The following CDH13 variants were observed in gnomAD, a reference collection of about 807,000 sequenced individuals.
CDH13 encodes the protein cadherin 13.
In CDH13, 24 loss-of-function variants were observed where a neutral mutation model predicts 63.8. That is an observed-to-expected ratio of 0.38 (90% CI 0.27 to 0.53). CDH13 has a LOEUF of 0.53. CDH13 is among the 20% of genes least tolerant of loss of function. The probability of loss-of-function intolerance (pLI) is 0.85; values close to 1 mark genes in which losing one functional copy is unlikely to be tolerated. For synonymous variants in CDH13, 503 were observed against 355.3 expected, an observed-to-expected ratio of 1.42 and a Z score of -4.67; for missense variants, 1,049 against 903.1, an observed-to-expected ratio of 1.16 and a Z score of -2.07.
intron 1 of CDH13, among the ~76,000 whole-genome samples, chr16:82,745,179 A>G (rs541416239): frequency 6.6e-6 from 1 of 152,300 alleles, no homozygotes; most frequent in African/African-American, 2.4e-5. Flanking sequence ...TTACCCCCTC[A>G]GACTCAGGCT....
chr16:82,827,408 G>T (rs1009293592), intron 1 of CDH13, among the ~76,000 whole-genome samples: 5 of 152,176 alleles, frequency 3.3e-5, no homozygotes, highest in African/African-American at 1.2e-4. Flanking sequence ...AGTGAGGGAG[G>T]TGGAGCCAGA....
At chr16:82,784,796 C>A (rs1206802929) in intron 1 of CDH13, among the ~76,000 whole-genome samples, 1 of 152,114 alleles carries the variant, frequency 6.6e-6, no homozygotes, top group South Asian at 2.1e-4. Context: ...CAGGCAGATG[C>A]ACAGCAGGGT....
chr16:83,306,915 G>C (rs1030302272), intron 5 of CDH13, among the ~76,000 whole-genome samples: 2 of 152,170 alleles, frequency 1.3e-5, no homozygotes, highest in African/African-American at 4.8e-5. Context: ...AGACCTATCC[G>C]TAAAGTTGTG....
At chr16:82,838,046 A>G (rs935853773) in intron 1 of CDH13, among the ~76,000 whole-genome samples, 1 of 152,052 alleles carries the variant, frequency 6.6e-6, no homozygotes, top group Non-Finnish European at 1.5e-5. Flanking sequence ...CTGTTAACCA[A>G]CCTGACATTC....
intron 3 of CDH13, among the ~76,000 whole-genome samples, chr16:83,110,452 G>T (rs762420324): frequency 2.6e-5 from 4 of 152,196 alleles, no homozygotes; most frequent in African/African-American, 4.8e-5. Context: ...ACTGGGGAAA[G>T]TTCCCGAAGG....
intron 6 of CDH13, chr16:83,397,379 C>A (rs377762929): frequency 2.6e-5 from 4 of 152,140 alleles, no homozygotes; most frequent in Non-Finnish European, 5.9e-5. Context: ...TCTGAAGATA[C>A]CCTCAGATGC....
intron 1 of CDH13, among the ~76,000 whole-genome samples, chr16:82,640,130 A>G (rs1909208429): frequency 6.6e-6 from 1 of 152,250 alleles, no homozygotes; most frequent in Non-Finnish European, 1.5e-5. Flanking sequence ...GCGTAGTGAT[A>G]GTGCTATAGA....
chr16:83,609,129 G>C (rs1908629213), intron 8 of CDH13, among the ~76,000 whole-genome samples: 1 of 152,138 alleles, frequency 6.6e-6, no homozygotes, highest in African/African-American at 2.4e-5. Context: ...ATATATATGA[G>C]CTATGCCAAG....
At chr16:83,788,622 C>G (rs1373593565) in intron 13 of CDH13, among the ~76,000 whole-genome samples, 1 of 152,162 alleles carries the variant, frequency 6.6e-6, no homozygotes, top group Non-Finnish European at 1.5e-5. Flanking sequence ...CAACTGAGCT[C>G]TTGGGTCAAG....
rs537204896 is a variant in CDH13, at chr16:83,171,443, A to G, written c.484-45902A>G. ...GAGATTTGGGTGAGGACACAGATCC[A>G]AACCATATCAAAAGCTTTTCTAATT... On this transcript the variant is annotated intron_variant, in intron 4 of 13. Coordinates refer to ENST00000567109, the MANE Select transcript of CDH13 (RefSeq NM_001257.5). 6 of 1,232,774 alleles carry G rather than the reference A, an allele frequency of 4.9e-6. No homozygotes were observed. In the South Asian group the frequency reaches 6.4e-5, roughly 13 times the overall value. The allele number at this position is 1,232,774 out of a possible 1,614,324, so 76.4% of individuals were successfully genotyped here.
intron 5 of CDH13, among the ~76,000 whole-genome samples, chr16:83,334,365 A>T (rs1040816662): frequency 4.5e-3 from 111 of 24,500 alleles, no homozygotes; most frequent in African/African-American, 0.016. Context: ...TCTCTCTCAC[A>T]CACACACACA....
intron 10 of CDH13, chr16:83,710,067 G>C (rs545413934): frequency 3.3e-5 from 5 of 152,390 alleles, no homozygotes; most frequent in East Asian, 1.9e-4. Context: ...GAACATTTCA[G>C]GGGGTGCGAG....
intron 11 of CDH13, among the ~76,000 whole-genome samples, chr16:83,754,633 G>A (rs992933744): frequency 5.3e-5 from 8 of 152,126 alleles, no homozygotes; most frequent in African/African-American, 1.7e-4. Flanking sequence ...TAAGTCTCAT[G>A]AGATCTGATG....
chr16:82,792,258 C>T (rs1465004162), intron 1 of CDH13, among the ~76,000 whole-genome samples: 3 of 152,164 alleles, frequency 2.0e-5, no homozygotes, highest in Non-Finnish European at 2.9e-5. Context: ...GTCTGCCTTT[C>T]CCAGTATGGA....
chr16:83,057,271 T>G (rs954254493), intron 3 of CDH13, among the ~76,000 whole-genome samples: 1 of 152,110 alleles, frequency 6.6e-6, no homozygotes, highest in Non-Finnish European at 1.5e-5. Flanking sequence ...CAGTCTCAGG[T>G]ATGTCTTTAT....
intron 4 of CDH13, among the ~76,000 whole-genome samples, chr16:83,189,525 A>C (rs144208327): frequency 1.3e-5 from 2 of 152,310 alleles, no homozygotes; most frequent in Admixed American, 6.5e-5. Context: ...ACACGTTCAC[A>C]TGGCTAAGGC....
At chr16:82,917,480 A>T (rs1004460291) in intron 2 of CDH13, among the ~76,000 whole-genome samples, 7 of 152,336 alleles carry the variant, frequency 4.6e-5, no homozygotes, top group Non-Finnish European at 4.4e-5. Context: ...ATAGTTGAGA[A>T]AGGCAAGAGA....
chr16:83,385,531 T>A (rs1486929051), intron 6 of CDH13, among the ~76,000 whole-genome samples: 1 of 152,166 alleles, frequency 6.6e-6, no homozygotes, highest in African/African-American at 2.4e-5. Context: ...AATAACTTAT[T>A]TATAACAAAA....
chr16:83,781,996 T>C (rs2151010297), intron 12 of CDH13, among the ~76,000 whole-genome samples: 1 of 152,316 alleles, frequency 6.6e-6, no homozygotes, highest in South Asian at 2.1e-4. Context: ...AAATGCTGTT[T>C]GATTTAATCT....
Sources: gnomAD v4.1 joint callset for allele counts (sites outside exome capture counted in the v4.1 genomes callset) on GRCh38, gnomAD v4.1.1 for gene constraint, MANE v1.5 for transcripts, NCBI Gene and HGNC (gene_info 2026-07-23, HGNC 2026-07-21) for gene names.